WWOX: variants seen among roughly 807,000 people sequenced by gnomAD.
WWOX encodes WW domain-containing oxidoreductase.
A neutral mutation model predicts 46.2 loss-of-function variants in WWOX; 69 were observed. The ratio of observed to expected loss-of-function variants is 1.49; its 90% confidence interval spans 1.23 to 1.82. The LOEUF is 1.82. Ranked by LOEUF, WWOX falls within the 40% of genes most tolerant of loss-of-function variation. The pLI, the probability that WWOX is intolerant of heterozygous loss-of-function variation, is 0.00. For missense variants in WWOX, 919 were observed against 542.6 expected, an observed-to-expected ratio of 1.69 and a Z score of -6.89; for synonymous variants, 359 against 202.6, an observed-to-expected ratio of 1.77 and a Z score of -6.56.
chr16:78,879,534 G>A (rs1216872935), intron 8 of WWOX, among the ~76,000 whole-genome samples: 4 of 151,730 alleles, frequency 2.6e-5, no homozygotes, highest in Admixed American at 1.3e-4. Context: ...CTTTGGCCTC[G>A]TGACCACCAA....
intron 4 of WWOX, among the ~76,000 whole-genome samples, chr16:78,132,216 C>G (rs189205575): frequency 6.7e-6 from 1 of 149,518 alleles, no homozygotes; most frequent in Non-Finnish European, 1.5e-5. Context: ...TTAGTAGAGA[C>G]GGGGTTTCAC....
At chr16:78,647,666 G>C (rs1380408483) in intron 8 of WWOX, among the ~76,000 whole-genome samples, 1 of 152,194 alleles carries the variant, frequency 6.6e-6, no homozygotes, top group Non-Finnish European at 1.5e-5. Flanking sequence ...ATCAACATCA[G>C]ACCATCACCT....
intron 8 of WWOX, among the ~76,000 whole-genome samples, chr16:78,828,624 G>C (rs550145266): frequency 6.6e-6 from 1 of 151,956 alleles, no homozygotes; most frequent in African/African-American, 2.4e-5. Flanking sequence ...AATAATAAAC[G>C]TGATATAATC....
intron 5 of WWOX, among the ~76,000 whole-genome samples, chr16:78,215,422 G>T (rs528599588): frequency 2.6e-5 from 4 of 152,220 alleles, no homozygotes; most frequent in African/African-American, 7.2e-5. Flanking sequence ...GTGAGTTCTC[G>T]TGAGATCTGA....
chr16:78,633,675 C>G (rs565292512), intron 8 of WWOX, among the ~76,000 whole-genome samples: 1 of 152,170 alleles, frequency 6.6e-6, no homozygotes, highest in African/African-American at 2.4e-5. Context: ...CTTGTGCTAC[C>G]TCCTGCGTGC....
intron 8 of WWOX, among the ~76,000 whole-genome samples, chr16:79,064,712 G>A (rs1234342199): frequency 6.6e-6 from 1 of 152,220 alleles, no homozygotes; most frequent in Admixed American, 6.5e-5. Context: ...AGCCCTGAGG[G>A]AGGAGTGTAC....
chr16:78,458,708 A>G (rs1182104309), intron 8 of WWOX, among the ~76,000 whole-genome samples: 4 of 152,236 alleles, frequency 2.6e-5, no homozygotes, highest in Non-Finnish European at 5.9e-5. Flanking sequence ...ATAATCTGAC[A>G]TTTAAAAATA....
At chr16:79,005,829 A>G (rs566371426) in intron 8 of WWOX, among the ~76,000 whole-genome samples, 31 of 152,268 alleles carry the variant, frequency 2.0e-4, no homozygotes, top group Middle Eastern at 3.4e-3. Context: ...GCCACCATAT[A>G]TGGATTCCAG....
At chr16:78,730,565 A>C (rs7188664) in intron 8 of WWOX, among the ~76,000 whole-genome samples, 70,960 of 150,254 alleles carry the variant, frequency 0.47, 19,615 homozygotes, top group South Asian at 0.64. Flanking sequence ...GATCCACCCA[A>C]CCTAGCCTCC....
At chr16:79,207,934 T>A (rs747260475) in intron 8 of WWOX, among the ~76,000 whole-genome samples, 3 of 152,214 alleles carry the variant, frequency 2.0e-5, no homozygotes, top group Non-Finnish European at 4.4e-5. Flanking sequence ...AGCAGCTACT[T>A]AACATTTTCA....
chr16:78,321,356 ATGCG>A (rs1567499293), intron 5 of WWOX, among the ~76,000 whole-genome samples: 2 of 54,146 alleles, frequency 3.7e-5, no homozygotes, highest in African/African-American at 9.4e-5. Context: ...ATACGTATAT[ATGCG>A]TATATATATA....
At chr16:78,649,577 C>T (rs1040168542) in intron 8 of WWOX, among the ~76,000 whole-genome samples, 1 of 152,206 alleles carries the variant, frequency 6.6e-6, no homozygotes, top group African/African-American at 2.4e-5. Context: ...TCCCCAGGCT[C>T]TTCCCCCGTT....
intron 8 of WWOX, among the ~76,000 whole-genome samples, chr16:79,209,295 G>T (rs1036496323): frequency 3.9e-5 from 6 of 152,336 alleles, no homozygotes; most frequent in Middle Eastern, 3.4e-3. Context: ...TGGGACTGCA[G>T]AATTTCTTAG....
chr16:78,169,195 G>A (rs936032692), intron 5 of WWOX, among the ~76,000 whole-genome samples: 2 of 152,146 alleles, frequency 1.3e-5, no homozygotes, highest in Non-Finnish European at 2.9e-5. Flanking sequence ...AGCACCTATC[G>A]TTTTCCTGTG....
At chr16:79,001,911 C>T (rs1352717778) in intron 8 of WWOX, among the ~76,000 whole-genome samples, 1 of 151,968 alleles carries the variant, frequency 6.6e-6, no homozygotes, top group East Asian at 1.9e-4. Context: ...TCTTAATTAC[C>T]AGCAGTCCAT....
At chr16:78,439,991 T>G (rs2083410313) in intron 8 of WWOX, among the ~76,000 whole-genome samples, 1 of 152,148 alleles carries the variant, frequency 6.6e-6, no homozygotes, top group Admixed American at 6.5e-5. Context: ...TGACTTCCCG[T>G]CAGATCCCAC....
chr16:79,203,741 T>C (rs2051419115), intron 8 of WWOX: 2 of 152,322 alleles, frequency 1.3e-5, no homozygotes, highest in Non-Finnish European at 2.9e-5. Flanking sequence ...TTGTTTTACC[T>C]GTAGTATGAA....
chr16:78,189,976 C>G (rs571974679), intron 5 of WWOX, among the ~76,000 whole-genome samples: 21 of 152,142 alleles, frequency 1.4e-4, no homozygotes, highest in African/African-American at 4.1e-4. Context: ...TACTTTTCCT[C>G]AAGAACTCAC....
intron 4 of WWOX, among the ~76,000 whole-genome samples, chr16:78,122,901 G>C (rs894567694): frequency 6.6e-6 from 1 of 152,068 alleles, no homozygotes; most frequent in African/African-American, 2.4e-5. Flanking sequence ...CACCATGCCC[G>C]GGGGTGTTGT....
Sources: gnomAD v4.1 joint callset for allele counts (sites outside exome capture counted in the v4.1 genomes callset) on GRCh38, gnomAD v4.1.1 for gene constraint, MANE v1.5 for transcripts, NCBI Gene and HGNC (gene_info 2026-07-23, HGNC 2026-07-21) for gene names.